The following ATRN variants were observed in gnomAD, a reference collection of about 807,000 sequenced individuals.
The protein encoded by ATRN is attractin.
In ATRN, 54 loss-of-function variants were observed where a neutral mutation model predicts 178.7. That is an observed-to-expected ratio of 0.30 (90% CI 0.24 to 0.38). ATRN has a LOEUF of 0.38. Ranked by LOEUF, ATRN falls within the 10% of genes least tolerant of loss-of-function variation. ATRN has a pLI of 1.00. For synonymous variants in ATRN, 636 were observed against 663.0 expected (o/e 0.96, Z 0.63); for missense variants, 1,443 against 1,815.1 (o/e 0.79, Z 3.73).
At chr20:3,560,372 A>G (rs1230439923) in intron 7 of ATRN, among the ~76,000 whole-genome samples, 6 of 152,330 alleles carry the variant, frequency 3.9e-5, no homozygotes, top group Non-Finnish European at 8.8e-5. Context: ...TATATACACC[A>G]CATTTTCTTT....
rs2087117905 is a variant in ATRN, at chr20:3,647,777, G to A, written c.*930G>A. ...TTTTCTAAAATCTGATTTGCAGCCAGGAAAGAATTTTCTCACCCAAGGAAC... is the reference window on the plus strand; with the variant it reads ...TTTTCTAAAATCTGATTTGCAGCCAAGAAAGAATTTTCTCACCCAAGGAAC... On this transcript the variant is annotated 3_prime_UTR_variant, in exon 29 of 29. Transcript: ENST00000262919. 6.6e-6 allele frequency: 1 copy of A among 152,202 alleles called. No individual in the cohort carries two copies. Among genetic ancestry groups the A allele is most frequent in the Admixed American group, 6.5e-5 (1 of 15,280 alleles). The allele number at this position is 152,202 out of a possible 1,614,324, so 9.4% of individuals were successfully genotyped here.
chr20:3,575,750 ATT>A, intron 12 of ATRN, 75 bp from the exon 13 acceptor site: 3 of 1,354,678 alleles, frequency 2.2e-6, no homozygotes, highest in Non-Finnish European at 3.0e-6. Flanking sequence ...CATTGTTACG[ATT>A]TTTTTTTTAA....
intron 11 of ATRN, 125 bp from the exon 12 acceptor site, chr20:3,572,590 GAGGATCTCTTGAGCCC>G: frequency 1.5e-6 from 1 of 654,642 alleles, no homozygotes; most frequent in South Asian, 2.2e-5. Context: ...GCTGAGGCGA[GAGGATCTCTTGAGCCC>G]AGGAGTTTGA....
At chr20:3,492,762 A>C (rs974805379) in intron 1 of ATRN, among the ~76,000 whole-genome samples, 2 of 150,982 alleles carry the variant, frequency 1.3e-5, no homozygotes, top group Non-Finnish European at 2.9e-5. Context: ...CCATAAGATC[A>C]GGGTTGAATT....
intron 16 of ATRN, 88 bp downstream of exon 16, chr20:3,582,442 T>C: frequency 8.2e-7 from 1 of 1,217,692 alleles, no homozygotes; most frequent in Non-Finnish European, 1.2e-6. Flanking sequence ...ATGTGTGAAG[T>C]AGTCATGAAA....
chr20:3,618,759 AG>A (rs2086872138), intron 24 of ATRN, among the ~76,000 whole-genome samples: 1 of 152,174 alleles, frequency 6.6e-6, no homozygotes, highest in African/African-American at 2.4e-5. Context: ...GTGGTGTGTG[AG>A]GCCGGGTGAT....
chr20:3,642,732 G>A (rs1210472344), intron 27 of ATRN, among the ~76,000 whole-genome samples: 1 of 152,194 alleles, frequency 6.6e-6, no homozygotes, highest in Non-Finnish European at 1.5e-5. Context: ...TGTGGGTATA[G>A]TCAGCAGAAT....
intron 7 of ATRN, among the ~76,000 whole-genome samples, chr20:3,559,694 G>A (rs190062451): frequency 6.6e-6 from 1 of 152,128 alleles, no homozygotes; most frequent in Admixed American, 6.6e-5. Context: ...CTGTAATGGG[G>A]TATTATAATA....
chr20:3,581,106 G>A (rs553376062), intron 15 of ATRN, among the ~76,000 whole-genome samples: 1 of 151,996 alleles, frequency 6.6e-6, no homozygotes, highest in Non-Finnish European at 1.5e-5. Context: ...AGAATTAGCC[G>A]GGCATGATGG....
At position 3,545,251 on chromosome 20, in the gene ATRN, C is replaced by T. The variant is rs183221086; in HGVS notation, c.609-511C>T. Among the ~76,000 whole-genome samples, 1,086 of 151,580 alleles carry T rather than the reference C, an allele frequency of 7.2e-3. 13 individuals are homozygous for T. The highest frequency in any genetic ancestry group is 0.025 in the African/African-American group (1,014 of 41,344). On this transcript the variant is annotated intron_variant, in intron 3 of 28. Coordinates refer to ENST00000262919, the MANE Select transcript of ATRN (RefSeq NM_139321.3). ...GGCATGGTGGTGGGCACCTGTAATC[C>T]CAGCTACTCAGGAGGCTGATGCAGG...
intron 1 of ATRN, among the ~76,000 whole-genome samples, chr20:3,499,905 A>G (rs370524179): frequency 2.4e-4 from 36 of 150,186 alleles, no homozygotes; most frequent in Admixed American, 6.0e-4. Flanking sequence ...GCAACCTACA[A>G]AATGGGAGAA....
chr20:3,558,961 A>AT (rs2085915066), intron 6 of ATRN, among the ~76,000 whole-genome samples: 1 of 152,322 alleles, frequency 6.6e-6, no homozygotes, highest in Middle Eastern at 3.4e-3. Flanking sequence ...TTTTTAGTCA[A>AT]TTATATAAAG....
rs767335046 is a variant in ATRN at position 3,584,010 on chromosome 20, G to C, written c.2877G>C (p.Val959=). 2.8e-5 allele frequency: 45 copies of C among 1,613,966 alleles called. No individual in the cohort carries two copies. Among genetic ancestry groups the C allele is most frequent in the Middle Eastern group, 1.6e-4 (1 of 6,082 alleles). The change falls in exon 17 of 29, where the codon GTG becomes GTC. Residue 959 remains valine (V), a synonymous_variant. Coordinates refer to ENST00000262919, the MANE Select transcript of ATRN (RefSeq NM_139321.3). ...CMWCSNMKQC[V]DSNAYVASFP... ...GGTGCAGCAACATGAAGCAGTGTGT[G>C]GACTCCAATGCCTACGTGGCCTCCT...
chr20:3,624,383 G>C, intron 24 of ATRN, 128 bp from the exon 25 acceptor site: 1 of 827,424 alleles, frequency 1.2e-6, no homozygotes, highest in Non-Finnish European at 2.0e-6. Context: ...TTTTCCTTAA[G>C]TGAAAAAAGT....
chr20:3,530,830 A>G (rs929967451), intron 1 of ATRN, among the ~76,000 whole-genome samples: 3 of 152,138 alleles, frequency 2.0e-5, no homozygotes, highest in African/African-American at 7.2e-5. Context: ...TGGTAATAAT[A>G]CTGGTAAAGT....
Position 3,642,240 on chromosome 20 carries a change from CCT to C in ATRN, c.4051-1910_4051-1909del, listed in dbSNP as rs145410894. Among the ~76,000 whole-genome samples the C allele has an allele frequency of 6.0e-3, 915 of 152,332 alleles. 3 individuals carry two copies. The highest frequency in any genetic ancestry group is 0.021 in the African/African-American group (863 of 41,566). ...CTATCACAGGTTTAAGTACCATGAT[CCT>C]CTCACCTGGACTGCTCCCATGAGCC... On this transcript the variant is annotated intron_variant, in intron 27 of 28. Transcript: ENST00000262919.
chr20:3,594,499 G>T lies in ATRN; in HGVS notation c.3343G>T (p.Ala1115Ser). ...KCQPCKCNGH[A>S]SLCNTNTGKC... ...TGCAGCATGCAAGTGCAATGGGCAC[G>T]CGTCTCTGTGCAACACCAACACGGG... Residue 1115 changes from alanine to serine, a missense_variant, in exon 20 of 29, where the codon GCG becomes TCG. Around this residue, in one of 4 missense-constraint regions of ATRN, gnomAD observed 289 missense variants for 440.8 expected, o/e 0.66. Transcript: ENST00000262919. The T allele has an allele frequency of 6.2e-7, 1 of 1,611,182 alleles. No individual in the cohort carries two copies. The highest frequency in any genetic ancestry group is 8.5e-7 in the Non-Finnish European group (1 of 1,177,950).
chr20:3,554,524 A>AC (rs1351672797), intron 6 of ATRN, among the ~76,000 whole-genome samples: 4 of 151,564 alleles, frequency 2.6e-5, no homozygotes, highest in Admixed American at 1.3e-4. Context: ...TTTAGTAGAG[A>AC]TGGGTTTCAC....
At chr20:3,479,520 A>T (rs2084587842) in intron 1 of ATRN, among the ~76,000 whole-genome samples, 1 of 152,150 alleles carries the variant, frequency 6.6e-6, no homozygotes, top group Non-Finnish European at 1.5e-5. Flanking sequence ...CATCTGGGGG[A>T]GAAAGACATT....
Sources: allele counts gnomAD v4.1 joint callset (sites outside exome capture counted in the v4.1 genomes callset), GRCh38; gene constraint gnomAD v4.1.1; regional missense constraint gnomAD v4.1.1; transcripts MANE v1.5; gene names NCBI Gene and HGNC (gene_info 2026-07-23, HGNC 2026-07-21).